RBM47: variants seen among roughly 807,000 people sequenced by gnomAD.
RBM47 encodes RNA-binding protein 47.
Under a neutral mutation model 47.1 loss-of-function variants are expected in RBM47, and 21 were observed. The observed-to-expected ratio is 0.45, with a 90% CI of 0.32 to 0.64. RBM47 has a LOEUF of 0.64. Ranked by LOEUF, RBM47 falls within the 30% of genes least tolerant of loss-of-function variation. The pLI is 0.05. For synonymous variants in RBM47, 375 were observed against 361.7 expected (o/e 1.04, Z -0.42); for missense variants, 708 against 870.9 (o/e 0.81, Z 2.35).
At chr4:40,447,839 T>C (rs560142339) in intron 3 of RBM47, among the ~76,000 whole-genome samples, 1 of 152,182 alleles carries the variant, frequency 6.6e-6, no homozygotes, top group Non-Finnish European at 1.5e-5. Context: ...TGAAACCCCA[T>C]CTCTACTAAA....
intron 6 of RBM47, 103 bp downstream of exon 6, chr4:40,432,548 G>A (rs940407838): frequency 1.2e-5 from 18 of 1,546,204 alleles, no homozygotes; most frequent in Non-Finnish European, 1.2e-5. Flanking sequence ...AGCTGTAACA[G>A]AGAGCCAGGC....
rs1030499215 is a variant in RBM47, at chr4:40,423,577, G to A, written c.*2327C>T. 3.3e-5 allele frequency: 5 copies of A among 152,058 alleles called. No homozygotes were observed. Among genetic ancestry groups the A allele is most frequent in the African/African-American group, 1.2e-4 (5 of 41,436 alleles). The allele number at this position is 152,058 out of a possible 1,614,324, so 9.4% of individuals were successfully genotyped here. A position where few individuals can be genotyped will look rare whatever the true frequency, so the allele number is the denominator to read the frequency against. On this transcript the variant is annotated 3_prime_UTR_variant, in exon 7 of 7. Transcript: ENST00000295971. ...TAGGAGGCTCACTGATACTTAATTG[G>A]CCATGTCACCAATGTTTGTTTTTAA...
At chr4:40,443,717 C>CAAAAAAAAAAAAAAAAAA (rs10581870) in intron 3 of RBM47, among the ~76,000 whole-genome samples, 1 of 47,746 alleles carries the variant, frequency 2.1e-5, no homozygotes, top group African/African-American at 8.4e-5. Flanking sequence ...AACTCCTTCT[C>CAAAAAAAAAAAAAAAAAA]AAAAAAAAAA....
chr4:40,581,697 T>C (rs1279551427), intron 1 of RBM47, among the ~76,000 whole-genome samples: 2 of 151,752 alleles, frequency 1.3e-5, no homozygotes, highest in Admixed American at 1.3e-4. Context: ...AGAAAATGCC[T>C]TAAAAGATAA....
chr4:40,627,570 G>C, intron 1 of RBM47, among the ~76,000 whole-genome samples: 1 of 152,194 alleles, frequency 6.6e-6, no homozygotes, highest in East Asian at 1.9e-4. Flanking sequence ...CTTCAGAGCA[G>C]AATTTGAAAA....
chr4:40,437,073 C>CAAAAAAAAAA (rs750922605), intron 4 of RBM47, among the ~76,000 whole-genome samples: 286 of 21,274 alleles, frequency 0.013, 59 homozygotes, highest in African/African-American at 0.037. Context: ...GACCCTGTCT[C>CAAAAAAAAAA]AAAAAAAAAA....
chr4:40,583,721 G>T (rs1223653953), intron 1 of RBM47, among the ~76,000 whole-genome samples: 1 of 151,708 alleles, frequency 6.6e-6, no homozygotes, highest in African/African-American at 2.4e-5. Flanking sequence ...AGCCGGGCGC[G>T]GTGGCGGGCG....
intron 2 of RBM47, chr4:40,514,767 A>C (rs1269160011): frequency 6.6e-6 from 1 of 152,270 alleles, no homozygotes; most frequent in African/African-American, 2.4e-5. Context: ...TTAAGGGGGA[A>C]AGCAATGTCA....
At chr4:40,574,620 T>C (rs997637418) in intron 1 of RBM47, among the ~76,000 whole-genome samples, 1 of 152,034 alleles carries the variant, frequency 6.6e-6, no homozygotes, top group Non-Finnish European at 1.5e-5. Flanking sequence ...GAAGCTGAGG[T>C]GGGCAGATCA....
intron 3 of RBM47, among the ~76,000 whole-genome samples, chr4:40,463,075 A>G (rs1361441872): frequency 6.6e-6 from 1 of 152,276 alleles, no homozygotes. Flanking sequence ...TTCAGAACAT[A>G]TAAAGAACTA....
Position 40,425,848 on chromosome 4 carries a change from G to C in RBM47, c.*56C>G. ...CCAACATGTTCCTTCTTCATAAATA[G>C]TCAAGCGTTCCTTCAGTGGTGTTTG... On this transcript the variant is annotated 3_prime_UTR_variant, in exon 7 of 7. Coordinates refer to ENST00000295971, the MANE Select transcript of RBM47 (RefSeq NM_001098634.2). 1.3e-6 allele frequency: 2 copies of C among 1,578,940 alleles called. No homozygotes were observed. The highest frequency in any genetic ancestry group is 1.7e-6 in the Non-Finnish European group (2 of 1,156,822).
At chr4:40,512,714 C>CAAAA (rs542452466) in intron 2 of RBM47, among the ~76,000 whole-genome samples, 6 of 42,036 alleles carry the variant, frequency 1.4e-4, no homozygotes, top group Admixed American at 2.5e-4. Flanking sequence ...GACTTCATCT[C>CAAAA]AAAAAAAAAA....
chr4:40,525,951 T>G (rs76901224), intron 2 of RBM47, among the ~76,000 whole-genome samples: 2,152 of 152,284 alleles, frequency 0.014, 52 homozygotes, highest in East Asian at 0.13. Flanking sequence ...GCCTCTTCAT[T>G]TCAGTCCCTT....
chr4:40,539,967 A>G (rs1009085267), intron 2 of RBM47, among the ~76,000 whole-genome samples: 2 of 152,104 alleles, frequency 1.3e-5, no homozygotes, highest in Non-Finnish European at 2.9e-5. Flanking sequence ...GAGTTAAATA[A>G]TATCTACCTC....
intron 1 of RBM47, among the ~76,000 whole-genome samples, chr4:40,573,777 G>GAA (rs1294307203): frequency 1.0e-5 from 1 of 100,452 alleles, no homozygotes; most frequent in Non-Finnish European, 1.9e-5. Context: ...GAGAAAGAAA[G>GAA]AAAGAAAGAG....
chr4:40,436,911 T>A, intron 4 of RBM47: 2 of 566,132 alleles, frequency 3.5e-6, no homozygotes, highest in Admixed American at 2.2e-5. Context: ...AGAAAAACAT[T>A]CATAGACTAC....
At chr4:40,553,874 A>G (rs1453016091) in intron 1 of RBM47, among the ~76,000 whole-genome samples, 1 of 152,126 alleles carries the variant, frequency 6.6e-6, no homozygotes, top group Non-Finnish European at 1.5e-5. Context: ...TTGGCCAGCA[A>G]CCTCTACTAA....
chr4:40,592,649 C>G (rs1351973055), intron 1 of RBM47, among the ~76,000 whole-genome samples: 1 of 150,558 alleles, frequency 6.6e-6, no homozygotes, highest in Admixed American at 6.6e-5. Flanking sequence ...GTCTCGAACT[C>G]CCAACCTCAG....
chr4:40,478,713 G>T (rs1456018471), intron 2 of RBM47, among the ~76,000 whole-genome samples: 2 of 152,250 alleles, frequency 1.3e-5, no homozygotes, highest in East Asian at 3.9e-4. Flanking sequence ...GTCTCGAAAT[G>T]CTAGGCTCAA....
Sources: allele counts gnomAD v4.1 joint callset (sites outside exome capture counted in the v4.1 genomes callset), GRCh38; gene constraint gnomAD v4.1.1; transcripts MANE v1.5; gene names NCBI Gene and HGNC (gene_info 2026-07-23, HGNC 2026-07-21).